KCNH1: variants seen among roughly 807,000 people sequenced by gnomAD.
The protein encoded by KCNH1 is potassium voltage-gated channel subfamily H member 1, also known as voltage-gated delayed rectifier potassium channel KCNH1.
Under a neutral mutation model 69.2 loss-of-function variants are expected in KCNH1, and 27 were observed. The ratio of observed to expected loss-of-function variants is 0.39; its 90% CI spans 0.29 to 0.54. The LOEUF is 0.54. Ranked by LOEUF, KCNH1 falls within the 20% of genes least tolerant of loss-of-function variation. The probability of loss-of-function intolerance (pLI) is 0.68; values close to 1 mark genes in which losing one functional copy is unlikely to be tolerated. For synonymous variants in KCNH1, 456 were observed against 487.7 expected, an observed-to-expected ratio of 0.93 and a Z score of 0.86; for missense variants, 798 against 1,261.6, an observed-to-expected ratio of 0.63 and a Z score of 5.57.
At chr1:210,868,073 A>T (rs1177905137) in intron 7 of KCNH1, among the ~76,000 whole-genome samples, 1 of 152,066 alleles carries the variant, frequency 6.6e-6, no homozygotes, top group Non-Finnish European at 1.5e-5. Context: ...CTTTATAAGA[A>T]ACTGCCAACC....
At chr1:211,116,348 C>G (rs1691582414) in intron 1 of KCNH1, among the ~76,000 whole-genome samples, 1 of 152,156 alleles carries the variant, frequency 6.6e-6, no homozygotes, top group Non-Finnish European at 1.5e-5. Context: ...CTGCAGTAGT[C>G]TTTAATGGAA....
rs1553344875 is a variant in KCNH1 at position 210,797,718 on chromosome 1, C to T, written c.1705G>A (p.Val569Met). The T allele has an allele frequency of 1.2e-6, 2 of 1,614,054 alleles. No homozygotes were observed. Among genetic ancestry groups the T allele is most frequent in the Non-Finnish European group, 1.7e-6 (2 of 1,179,928 alleles). ...TTGAACACCTTGCGGTTCAGGTGCA[C>T]GCAGATGTCGGCTCTCATGTCCTTG... ...CPKDMRADIC[V>M]HLNRKVFKEH... The change falls in exon 9 of 11, where the codon GTG (valine) becomes ATG (methionine). Residue 569 changes from valine to methionine, a missense_variant. By Grantham distance (21) the Val-to-Met change is conservative. This residue lies in a region of KCNH1 where 197 missense variants were observed against 407.7 expected (regional missense o/e 0.48). Coordinates refer to ENST00000271751, the MANE Select transcript of KCNH1 (RefSeq NM_172362.3).
At chr1:210,758,407 T>C (rs558052889) in intron 10 of KCNH1, among the ~76,000 whole-genome samples, 1 of 152,252 alleles carries the variant, frequency 6.6e-6, no homozygotes, top group South Asian at 2.1e-4. Flanking sequence ...GCAGCAAGAC[T>C]TGCAGCCAGA....
intron 5 of KCNH1, among the ~76,000 whole-genome samples, chr1:211,028,772 T>C (rs57447361): frequency 0.022 from 3,287 of 152,174 alleles, 105 homozygotes; most frequent in African/African-American, 0.076. Flanking sequence ...TGCATAATTT[T>C]AAAACTCCCA....
intron 6 of KCNH1, among the ~76,000 whole-genome samples, chr1:210,997,296 C>A (rs142229190): frequency 1.3e-5 from 2 of 152,090 alleles, no homozygotes; most frequent in Non-Finnish European, 2.9e-5. Context: ...ACTAGAATAA[C>A]CAACGCAGAG....
At chr1:210,860,957 T>C (rs1482443797) in intron 7 of KCNH1, 2 of 977,962 alleles carry the variant, frequency 2.0e-6, no homozygotes, top group East Asian at 2.4e-5. Flanking sequence ...TTCAGAAGTG[T>C]TTCAGCTAAA....
At chr1:210,761,482 G>A (rs1683520393) in intron 10 of KCNH1, among the ~76,000 whole-genome samples, 1 of 151,948 alleles carries the variant, frequency 6.6e-6, no homozygotes, top group Non-Finnish European at 1.5e-5. Flanking sequence ...TCATCCTTTT[G>A]CTATCTTCAA....
At chr1:210,995,959 C>A (rs1039069049) in intron 6 of KCNH1, among the ~76,000 whole-genome samples, 1 of 152,128 alleles carries the variant, frequency 6.6e-6, no homozygotes, top group Non-Finnish European at 1.5e-5. Flanking sequence ...AGTAAAGGAA[C>A]CCCTGAGCTT....
At chr1:211,037,410 A>G (rs1038434197) in intron 5 of KCNH1, among the ~76,000 whole-genome samples, 1 of 152,056 alleles carries the variant, frequency 6.6e-6, no homozygotes, top group Non-Finnish European at 1.5e-5. Context: ...AAATAGACCC[A>G]GAAGGTAAAC....
At chr1:210,932,771 T>C (rs1687700227) in intron 6 of KCNH1, among the ~76,000 whole-genome samples, 1 of 152,168 alleles carries the variant, frequency 6.6e-6, no homozygotes, top group Admixed American at 6.5e-5. Flanking sequence ...AGAAGTTCAT[T>C]ATATAATGAG....
chr1:211,003,766 A>C (rs1689230541), intron 6 of KCNH1, among the ~76,000 whole-genome samples: 1 of 152,220 alleles, frequency 6.6e-6, no homozygotes, highest in Non-Finnish European at 1.5e-5. Context: ...AAATAATAGA[A>C]GTCTGATGAA....
chr1:211,084,855 T>C (rs1376090388), intron 4 of KCNH1, among the ~76,000 whole-genome samples: 1 of 152,196 alleles, frequency 6.6e-6, no homozygotes. Context: ...ATAACTACTA[T>C]GTACCAGGCA....
At chr1:210,893,184 T>C (rs1472803733) in intron 7 of KCNH1, among the ~76,000 whole-genome samples, 1 of 152,216 alleles carries the variant, frequency 6.6e-6, no homozygotes, top group Non-Finnish European at 1.5e-5. Flanking sequence ...TTACATTTTT[T>C]ATAGTGCTGG....
intron 7 of KCNH1, among the ~76,000 whole-genome samples, chr1:210,884,549 C>A (rs1052186578): frequency 1.3e-5 from 2 of 152,216 alleles, no homozygotes; most frequent in Non-Finnish European, 2.9e-5. Context: ...TCAGACCTGA[C>A]TTCAGATCCT....
At chr1:210,842,959 C>T (rs933702508) in intron 7 of KCNH1, among the ~76,000 whole-genome samples, 1 of 152,154 alleles carries the variant, frequency 6.6e-6, no homozygotes, top group African/African-American at 2.4e-5. Context: ...GAGATGGATG[C>T]CCCACCACCC....
rs549870149 is a variant in KCNH1, at chr1:210,836,970, C to T, written c.1463-32804G>A. 5.9e-5 allele frequency among the ~76,000 whole-genome samples: 9 copies of T among 152,300 alleles called. No individual in the cohort carries two copies. In the South Asian group the frequency reaches 1.9e-3, roughly 32 times the overall value. On this transcript the variant is annotated intron_variant, in intron 7 of 10. Coordinates refer to ENST00000271751, the MANE Select transcript of KCNH1 (RefSeq NM_172362.3). ...ATCTATTCTAGCCCATTCTGTACAA[C>T]ATCTGCTTAAAATCCTTCAGTGGCT...
chr1:211,043,030 A>G (rs951592369), intron 5 of KCNH1, among the ~76,000 whole-genome samples: 6 of 152,172 alleles, frequency 3.9e-5, no homozygotes, highest in Non-Finnish European at 8.8e-5. Flanking sequence ...AAGACAAGCT[A>G]AGGTCACACC....
chr1:210,999,773 C>G (rs1452316340), intron 6 of KCNH1, among the ~76,000 whole-genome samples: 3 of 152,184 alleles, frequency 2.0e-5, no homozygotes, highest in African/African-American at 7.2e-5. Flanking sequence ...CAATAAAATA[C>G]TGGCAAACCA....
intron 6 of KCNH1, among the ~76,000 whole-genome samples, chr1:210,964,128 A>C (rs1313775898): frequency 1.3e-5 from 2 of 152,178 alleles, no homozygotes; most frequent in African/African-American, 4.8e-5. Flanking sequence ...AGTGGGGACC[A>C]ATAATCAACA....
Sources: gnomAD v4.1 joint callset for allele counts (sites outside exome capture counted in the v4.1 genomes callset) on GRCh38, gnomAD v4.1.1 for gene constraint, gnomAD v4.1.1 regional missense constraint, MANE v1.5 for transcripts, NCBI Gene and HGNC (gene_info 2026-07-23, HGNC 2026-07-21) for gene names.